SLC35F1: variants seen among roughly 807,000 people sequenced by gnomAD.
SLC35F1 encodes solute carrier family 35 member F1.
A neutral mutation model predicts 48.7 loss-of-function variants in SLC35F1; 14 were observed. The ratio of observed to expected loss-of-function variants is 0.29; its 90% CI spans 0.19 to 0.45. The LOEUF is 0.45. Ranked by LOEUF, SLC35F1 falls within the 20% of genes least tolerant of loss-of-function variation. SLC35F1 has a pLI of 1.00. For missense variants in SLC35F1, 404 were observed against 500.0 expected, an observed-to-expected ratio of 0.81 and a Z score of 1.83; for synonymous variants, 190 against 202.2, an observed-to-expected ratio of 0.94 and a Z score of 0.51.
chr6:118,291,795 G>A (rs148006494), intron 7 of SLC35F1, among the ~76,000 whole-genome samples: 39 of 152,252 alleles, frequency 2.6e-4, no homozygotes, highest in Non-Finnish European at 5.1e-4. Flanking sequence ...AAAGGGTTTA[G>A]TCAGTAAGCT....
At chr6:117,985,747 G>A (rs915187346) in intron 1 of SLC35F1, among the ~76,000 whole-genome samples, 1 of 152,172 alleles carries the variant, frequency 6.6e-6, no homozygotes, top group Admixed American at 6.5e-5. Context: ...ACAGAAAACA[G>A]CTCGTCAAAT....
At chr6:117,952,287 GT>G (rs993214475) in intron 1 of SLC35F1, among the ~76,000 whole-genome samples, 17 of 152,066 alleles carry the variant, frequency 1.1e-4, no homozygotes, top group African/African-American at 4.1e-4. Context: ...TTTTAAGTTT[GT>G]TTTTAATTAG....
At chr6:118,125,363 A>T (rs1773608895) in intron 1 of SLC35F1, among the ~76,000 whole-genome samples, 1 of 101,028 alleles carries the variant, frequency 9.9e-6, no homozygotes, top group African/African-American at 3.5e-5. Context: ...GTTTTTATTC[A>T]TTTATGGTAT....
intron 3 of SLC35F1, among the ~76,000 whole-genome samples, chr6:118,236,662 C>G (rs532818527): frequency 6.9e-4 from 105 of 152,272 alleles, no homozygotes; most frequent in Middle Eastern, 3.4e-3. Context: ...AGCATTTTTC[C>G]AGGACCACCT....
intron 1 of SLC35F1, among the ~76,000 whole-genome samples, chr6:117,937,267 G>A (rs1465570744): frequency 6.6e-6 from 1 of 152,166 alleles, no homozygotes; most frequent in Non-Finnish European, 1.5e-5. Context: ...CTTTCTGCTT[G>A]TGTACTCATA....
chr6:118,128,382 T>C (rs1773660210), intron 1 of SLC35F1, among the ~76,000 whole-genome samples: 6 of 144,994 alleles, frequency 4.1e-5, no homozygotes, highest in South Asian at 2.3e-4. Context: ...TGTGGCACTA[T>C]TCACAATAGC....
At chr6:117,958,149 A>G (rs577562143) in intron 1 of SLC35F1, among the ~76,000 whole-genome samples, 2 of 152,216 alleles carry the variant, frequency 1.3e-5, no homozygotes, top group Non-Finnish European at 2.9e-5. Flanking sequence ...AAAAAGTAAA[A>G]AGTAAAAATA....
chr6:118,218,759 T>C (rs1030613715), intron 2 of SLC35F1, among the ~76,000 whole-genome samples: 6 of 152,208 alleles, frequency 3.9e-5, no homozygotes, highest in Non-Finnish European at 8.8e-5. Flanking sequence ...TCATCTCACA[T>C]CAGTGGTTGT....
intron 1 of SLC35F1, among the ~76,000 whole-genome samples, chr6:117,961,035 A>C (rs1776490439): frequency 1.3e-5 from 2 of 151,800 alleles, no homozygotes; most frequent in Non-Finnish European, 2.9e-5. Flanking sequence ...GTCTGTATGC[A>C]AAAAAAATTT....
intron 1 of SLC35F1, among the ~76,000 whole-genome samples, chr6:118,039,819 T>TTTTTTTTTTA (rs1307361739): frequency 6.6e-6 from 1 of 150,790 alleles, no homozygotes; most frequent in African/African-American, 2.4e-5. Flanking sequence ...TTTTTTTTTT[T>TTTTTTTTTTA]TGCTTCAGAC....
intron 1 of SLC35F1, among the ~76,000 whole-genome samples, chr6:118,110,396 C>T (rs1028674921): frequency 6.6e-6 from 1 of 152,050 alleles, no homozygotes; most frequent in African/African-American, 2.4e-5. Context: ...TTGCTGGAAG[C>T]TCAGGGAGAA....
At chr6:118,190,559 A>G (rs1774718382) in intron 2 of SLC35F1, among the ~76,000 whole-genome samples, 1 of 152,138 alleles carries the variant, frequency 6.6e-6, no homozygotes, top group African/African-American at 2.4e-5. Flanking sequence ...TCAGCATATC[A>G]TTCATAGGTT....
At chr6:118,052,826 T>C (rs1381717274) in intron 1 of SLC35F1, among the ~76,000 whole-genome samples, 1 of 152,210 alleles carries the variant, frequency 6.6e-6, no homozygotes, top group African/African-American at 2.4e-5. Flanking sequence ...AAAATATTAG[T>C]ATTTTTTCTA....
chr6:118,275,132 G>A (rs983348900), intron 4 of SLC35F1, among the ~76,000 whole-genome samples: 9 of 152,108 alleles, frequency 5.9e-5, no homozygotes, highest in African/African-American at 1.9e-4. Context: ...AGCCGAGATC[G>A]TGCCACTTCA....
intron 2 of SLC35F1, among the ~76,000 whole-genome samples, chr6:118,180,626 A>G (rs746186314): frequency 1.5e-4 from 23 of 152,136 alleles, no homozygotes; most frequent in Non-Finnish European, 2.5e-4. Flanking sequence ...GAATTAGCGA[A>G]CTGAAAGTTA....
intron 1 of SLC35F1, among the ~76,000 whole-genome samples, chr6:117,984,642 A>G (rs1053781371): frequency 6.6e-6 from 1 of 152,180 alleles, no homozygotes; most frequent in Non-Finnish European, 1.5e-5. Context: ...GCGCTACAAC[A>G]GCAGAGTTGG....
At chr6:118,075,003 C>T (rs563010406) in intron 1 of SLC35F1, among the ~76,000 whole-genome samples, 2 of 152,310 alleles carry the variant, frequency 1.3e-5, no homozygotes, top group Non-Finnish European at 2.9e-5. Flanking sequence ...TTTTGCTACA[C>T]AAGTGCCAAA....
chr6:117,928,582 GAT>G (rs530726449), intron 1 of SLC35F1, among the ~76,000 whole-genome samples: 21 of 152,264 alleles, frequency 1.4e-4, no homozygotes, highest in African/African-American at 3.6e-4. Flanking sequence ...TATTTTCCAT[GAT>G]AAATTTCTAA....
intron 2 of SLC35F1, among the ~76,000 whole-genome samples, chr6:118,185,234 G>A (rs956428831): frequency 6.6e-6 from 1 of 152,154 alleles, no homozygotes; most frequent in Non-Finnish European, 1.5e-5. Flanking sequence ...GTTAAGTGCT[G>A]CTTTTTCCCT....
Sources: allele counts gnomAD v4.1 joint callset (sites outside exome capture counted in the v4.1 genomes callset), GRCh38; gene constraint gnomAD v4.1.1; transcripts MANE v1.5; gene names NCBI Gene and HGNC (gene_info 2026-07-23, HGNC 2026-07-21).